The following DLG2 variants were observed in gnomAD, a reference collection of about 807,000 sequenced individuals.
DLG2 encodes disks large homolog 2.
Under a neutral mutation model 132.5 loss-of-function variants are expected in DLG2, and 45 were observed. The observed-to-expected ratio is 0.34, with a 90% CI of 0.27 to 0.44. DLG2 has a LOEUF of 0.44. Ranked by LOEUF, DLG2 falls within the 20% of genes least tolerant of loss-of-function variation. The pLI is 1.00. For missense variants in DLG2, 1,045 were observed against 1,196.9 expected, an observed-to-expected ratio of 0.87 and a Z score of 1.87; for synonymous variants, 424 against 419.6, an observed-to-expected ratio of 1.01 and a Z score of -0.13.
intron 4 of DLG2, among the ~76,000 whole-genome samples, chr11:85,277,028 T>C (rs1010461799): frequency 3.3e-5 from 5 of 152,032 alleles, no homozygotes; most frequent in Non-Finnish European, 7.4e-5. Flanking sequence ...AAAGATTAAG[T>C]AGAAAATTTC....
At chr11:85,533,711 T>C (rs1228496996) in intron 3 of DLG2, among the ~76,000 whole-genome samples, 1 of 152,112 alleles carries the variant, frequency 6.6e-6, no homozygotes, top group Admixed American at 6.5e-5. Flanking sequence ...TTTCCCCTTA[T>C]TGGTTTGTTT....
intron 3 of DLG2, among the ~76,000 whole-genome samples, chr11:85,424,098 G>T (rs781102533): frequency 6.6e-6 from 1 of 152,054 alleles, no homozygotes; most frequent in Non-Finnish European, 1.5e-5. Context: ...CCATTGCTTC[G>T]TCTACCACTG....
chr11:83,588,356 A>AC (rs1180888987), intron 19 of DLG2, among the ~76,000 whole-genome samples: 1 of 151,500 alleles, frequency 6.6e-6, no homozygotes, highest in Non-Finnish European at 1.5e-5. Flanking sequence ...ACTGGGAGGC[A>AC]CCCCCCAGCA....
intron 7 of DLG2, among the ~76,000 whole-genome samples, chr11:84,300,109 A>C (rs1312337696): frequency 1.3e-5 from 2 of 152,098 alleles, no homozygotes; most frequent in Non-Finnish European, 2.9e-5. Flanking sequence ...TCTATATTCA[A>C]ATTTCATAAA....
At chr11:84,128,438 A>T (rs2094274575) in intron 9 of DLG2, among the ~76,000 whole-genome samples, 1 of 151,916 alleles carries the variant, frequency 6.6e-6, no homozygotes, top group African/African-American at 2.4e-5. Flanking sequence ...TATTTTATTC[A>T]CTCTCTACAT....
chr11:83,636,823 C>G (rs1428121387), intron 18 of DLG2, among the ~76,000 whole-genome samples: 1 of 152,104 alleles, frequency 6.6e-6, no homozygotes, highest in Admixed American at 6.6e-5. Flanking sequence ...TGTTAAAATT[C>G]CCCAAAATGA....
intron 8 of DLG2, among the ~76,000 whole-genome samples, chr11:84,249,405 C>T (rs2097343247): frequency 6.6e-6 from 1 of 152,190 alleles, no homozygotes; most frequent in Non-Finnish European, 1.5e-5. Context: ...AAGAAAGAAA[C>T]ACAGGTAACA....
intron 6 of DLG2, among the ~76,000 whole-genome samples, chr11:84,544,608 G>A (rs2099385892): frequency 1.3e-5 from 2 of 152,124 alleles, no homozygotes; most frequent in Admixed American, 1.3e-4. Flanking sequence ...CTCAAATCTT[G>A]GTTATACTAC....
chr11:83,502,078 T>C (rs1432318387), intron 21 of DLG2, among the ~76,000 whole-genome samples: 1 of 152,232 alleles, frequency 6.6e-6, no homozygotes, highest in East Asian at 1.9e-4. Context: ...GTAACATTTG[T>C]TAAATGCTTA....
At chr11:84,815,466 A>T (rs1246067185) in intron 6 of DLG2, among the ~76,000 whole-genome samples, 2 of 152,056 alleles carry the variant, frequency 1.3e-5, no homozygotes. Context: ...TACCTGCTGC[A>T]TCACCGAAGC....
chr11:85,250,884 G>T (rs563923012), intron 4 of DLG2, among the ~76,000 whole-genome samples: 1 of 152,038 alleles, frequency 6.6e-6, no homozygotes, highest in Non-Finnish European at 1.5e-5. Flanking sequence ...AACTACAAAT[G>T]TTTAAGATTA....
chr11:83,874,512 A>G (rs2064232579), intron 15 of DLG2, 24 bp from the exon 16 acceptor site: 1 of 1,558,934 alleles, frequency 6.4e-7, no homozygotes, highest in Non-Finnish European at 8.7e-7. Context: ...CAGAAGAAAC[A>G]CACATCATTT....
chr11:83,532,904 A>G, intron 20 of DLG2, 121 bp from the exon 21 acceptor site: 1 of 791,578 alleles, frequency 1.3e-6, no homozygotes, highest in Non-Finnish European at 2.0e-6. Flanking sequence ...GTGTTCTAAA[A>G]TATTTCTCTT....
chr11:83,788,517 TA>T (rs2040638294), intron 17 of DLG2, among the ~76,000 whole-genome samples: 1 of 152,216 alleles, frequency 6.6e-6, no homozygotes, highest in African/African-American at 2.4e-5. Flanking sequence ...CCTTAAAGTA[TA>T]AAATTCCAGA....
At chr11:83,739,007 T>C (rs1048694789) in intron 18 of DLG2, among the ~76,000 whole-genome samples, 2 of 152,180 alleles carry the variant, frequency 1.3e-5, no homozygotes, top group Non-Finnish European at 2.9e-5. Flanking sequence ...AATGGTTCTA[T>C]TTATATTATT....
chr11:84,468,896 T>C (rs1257054279), intron 7 of DLG2, among the ~76,000 whole-genome samples: 1 of 151,548 alleles, frequency 6.6e-6, no homozygotes, highest in Non-Finnish European at 1.5e-5. Flanking sequence ...GGAGACTCAT[T>C]GACTAATGTA....
At chr11:84,134,913 G>T (rs2094548401) in intron 9 of DLG2, among the ~76,000 whole-genome samples, 1 of 151,922 alleles carries the variant, frequency 6.6e-6, no homozygotes, top group African/African-American at 2.4e-5. Context: ...ACTAGCCAAG[G>T]GGTGAAGGGC....
At chr11:85,569,812 G>C (rs1299359857) in intron 3 of DLG2, among the ~76,000 whole-genome samples, 7 of 152,188 alleles carry the variant, frequency 4.6e-5, no homozygotes, top group Admixed American at 4.6e-4. Flanking sequence ...AGCCATTGTG[G>C]AAAGCACTTT....
intron 6 of DLG2, among the ~76,000 whole-genome samples, chr11:84,930,187 CT>C (rs1201792711): frequency 1.3e-5 from 2 of 152,086 alleles, no homozygotes; most frequent in Non-Finnish European, 2.9e-5. Flanking sequence ...CCTACAGAGT[CT>C]TTTTTCTGAA....
Sources: gnomAD v4.1 joint callset for allele counts (sites outside exome capture counted in the v4.1 genomes callset) on GRCh38, gnomAD v4.1.1 for gene constraint, MANE v1.5 for transcripts, NCBI Gene and HGNC (gene_info 2026-07-23, HGNC 2026-07-21) for gene names.